The following ANO10 variants were observed in gnomAD, a reference collection of about 807,000 sequenced individuals.
ANO10 encodes the protein anoctamin-10.
A neutral mutation model predicts 74.7 loss-of-function variants in ANO10; 77 were observed. The ratio of observed to expected loss-of-function variants is 1.03; its 90% CI spans 0.86 to 1.25. The LOEUF is 1.25. Ranked by LOEUF, ANO10 falls within the 50% of genes most tolerant of loss-of-function variation. ANO10 has a pLI of 0.00. For synonymous variants in ANO10, 279 were observed against 284.9 expected (o/e 0.98, Z 0.21); for missense variants, 721 against 778.1 (o/e 0.93, Z 0.87).
intron 9 of ANO10, among the ~76,000 whole-genome samples, chr3:43,556,527 C>T (rs1431010071): frequency 6.6e-6 from 1 of 152,286 alleles, no homozygotes; most frequent in African/African-American, 2.4e-5. Flanking sequence ...ACTGTATCAG[C>T]ACCTTTTACA....
chr3:43,367,704 C>T (rs903885703), intron 12 of ANO10, among the ~76,000 whole-genome samples: 1 of 152,160 alleles, frequency 6.6e-6, no homozygotes, highest in Non-Finnish European at 1.5e-5. Context: ...CTGCTCCTAC[C>T]TTCCCCTACC....
intron 12 of ANO10, among the ~76,000 whole-genome samples, chr3:43,432,031 G>A (rs1336055667): frequency 6.6e-6 from 1 of 151,722 alleles, no homozygotes; most frequent in African/African-American, 2.4e-5. Flanking sequence ...TAACAAGTGA[G>A]AGATACTCCA....
At chr3:43,596,694 T>C (rs1438473764) in intron 4 of ANO10, among the ~76,000 whole-genome samples, 2 of 152,138 alleles carry the variant, frequency 1.3e-5, no homozygotes, top group African/African-American at 2.4e-5. Context: ...ATTCAGGACA[T>C]AGGCATGGGC....
chr3:43,565,932 T>C (rs1033212431), intron 7 of ANO10, among the ~76,000 whole-genome samples: 5 of 152,078 alleles, frequency 3.3e-5, no homozygotes, highest in Non-Finnish European at 7.4e-5. Context: ...ACCGGGTTCA[T>C]CTCACTAGGG....
intron 1 of ANO10, among the ~76,000 whole-genome samples, chr3:43,682,021 T>C (rs1438013284): frequency 1.3e-5 from 2 of 151,958 alleles, no homozygotes; most frequent in Non-Finnish European, 2.9e-5. Context: ...TTAAAAGAAA[T>C]AGAGAAGCAA....
At position 43,393,155 on chromosome 3, in the gene ANO10, C is replaced by T. The variant is rs571102460; in HGVS notation, c.1915-26181G>A. On this transcript the variant is annotated intron_variant, in intron 12 of 12. Coordinates refer to ENST00000292246, the MANE Select transcript of ANO10 (RefSeq NM_018075.5). ...TCCAGCCCAGACTTTCCTCTGAATT[C>T]TACACTCACATAACCAATGCCTACC... Among the ~76,000 whole-genome samples the T allele has an allele frequency of 7.3e-4, 111 of 152,310 alleles. 1 individual carries two copies. The highest frequency in any genetic ancestry group is 2.6e-3 in the African/African-American group (107 of 41,564).
intron 12 of ANO10, among the ~76,000 whole-genome samples, chr3:43,389,103 C>T (rs774554363): frequency 2.0e-5 from 3 of 152,230 alleles, no homozygotes; most frequent in Non-Finnish European, 4.4e-5. Context: ...AACCATATGG[C>T]TGCAGACAAA....
chr3:43,465,643 A>G (rs2075579688), intron 11 of ANO10, among the ~76,000 whole-genome samples: 1 of 152,080 alleles, frequency 6.6e-6, no homozygotes, highest in Middle Eastern at 3.2e-3. Context: ...ACAGGGTGAG[A>G]CTTCATCTCA....
chr3:43,545,129 T>A (rs1373911976), intron 11 of ANO10, among the ~76,000 whole-genome samples: 1 of 152,186 alleles, frequency 6.6e-6, no homozygotes, highest in African/African-American at 2.4e-5. Context: ...TTTGAGTTAG[T>A]AAAATTTCTG....
At chr3:43,577,332 T>G (rs2149404084) in intron 5 of ANO10, 71 bp from the exon 6 acceptor site, 1 of 1,445,024 alleles carries the variant, frequency 6.9e-7, no homozygotes, top group South Asian at 1.2e-5. Flanking sequence ...TCAAGTACGC[T>G]TATTCATTTT....
chr3:43,393,799 G>T (rs928666204), intron 12 of ANO10, among the ~76,000 whole-genome samples: 18 of 152,254 alleles, frequency 1.2e-4, no homozygotes, highest in Admixed American at 7.2e-4. Context: ...ACACCATGAA[G>T]GTTCCCCTTT....
chr3:43,673,414 T>C (rs572432963), intron 1 of ANO10, among the ~76,000 whole-genome samples: 2 of 152,196 alleles, frequency 1.3e-5, no homozygotes, highest in Admixed American at 1.3e-4. Flanking sequence ...ATTATGGGTA[T>C]GAACTTTTTT....
At chr3:43,461,314 G>A (rs1025712211) in intron 11 of ANO10, among the ~76,000 whole-genome samples, 99 of 152,238 alleles carry the variant, frequency 6.5e-4, no homozygotes, top group African/African-American at 2.3e-3. Flanking sequence ...ACTGACATAG[G>A]AAGAAACAGA....
intron 7 of ANO10, among the ~76,000 whole-genome samples, chr3:43,566,487 A>C (rs200838868): frequency 6.4e-4 from 97 of 152,320 alleles, no homozygotes; most frequent in East Asian, 4.1e-3. Context: ...AGCTGGAGAT[A>C]TGAGAATGGG....
At chr3:43,602,829 T>G (rs1188409221) in intron 2 of ANO10, among the ~76,000 whole-genome samples, 1 of 152,220 alleles carries the variant, frequency 6.6e-6, no homozygotes, top group African/African-American at 2.4e-5. Context: ...TCCCCTCCAT[T>G]AACCTTTCCC....
intron 1 of ANO10, among the ~76,000 whole-genome samples, chr3:43,658,616 C>T (rs1385072089): frequency 2.6e-5 from 4 of 152,072 alleles, no homozygotes; most frequent in Non-Finnish European, 5.9e-5. Flanking sequence ...ATTACAGTCA[C>T]CTGCCAACAG....
chr3:43,662,128 T>G (rs897239481), intron 1 of ANO10, among the ~76,000 whole-genome samples: 1 of 152,186 alleles, frequency 6.6e-6, no homozygotes, highest in Non-Finnish European at 1.5e-5. Flanking sequence ...ACGTCGCACT[T>G]ATTCTAAAAG....
At chr3:43,657,951 T>G (rs984597450) in intron 1 of ANO10, among the ~76,000 whole-genome samples, 1 of 152,210 alleles carries the variant, frequency 6.6e-6, no homozygotes, top group African/African-American at 2.4e-5. Context: ...AGATGTGTAT[T>G]CCGTCTGGAT....
At chr3:43,509,661 G>A (rs2077437861) in intron 11 of ANO10, among the ~76,000 whole-genome samples, 1 of 152,154 alleles carries the variant, frequency 6.6e-6, no homozygotes, top group African/African-American at 2.4e-5. Context: ...AACTCAACAT[G>A]CAATTACCAT....
Sources: allele counts gnomAD v4.1 joint callset (sites outside exome capture counted in the v4.1 genomes callset), GRCh38; gene constraint gnomAD v4.1.1; transcripts MANE v1.5; gene names NCBI Gene and HGNC (gene_info 2026-07-23, HGNC 2026-07-21).